Variants in AIFM2 observed in about 807,000 individuals in gnomAD.
AIFM2 encodes the protein ferroptosis suppressor protein 1.
In AIFM2, 38 loss-of-function variants were observed where a neutral mutation model predicts 35.7. The ratio of observed to expected loss-of-function variants is 1.06; its 90% CI spans 0.82 to 1.39. The LOEUF (loss-of-function observed/expected upper bound fraction) is 1.39. Among genes scored for constraint, AIFM2 ranks in the 40% most tolerant of loss-of-function variants. The pLI is 0.00. For synonymous variants in AIFM2, 185 were observed against 203.5 expected, an observed-to-expected ratio of 0.91 and a Z score of 0.77; for missense variants, 476 against 491.2, an observed-to-expected ratio of 0.97 and a Z score of 0.29.
intron 3 of AIFM2, among the ~76,000 whole-genome samples, chr10:70,122,325 C>G (rs1451456825): frequency 3.3e-5 from 5 of 152,138 alleles, no homozygotes; most frequent in African/African-American, 1.2e-4. Flanking sequence ...CCAGGGGACA[C>G]TCAGTAATCT....
chr10:70,129,125 A>G (rs1275671166), intron 1 of AIFM2, among the ~76,000 whole-genome samples: 1 of 121,118 alleles, frequency 8.3e-6, no homozygotes, highest in Non-Finnish European at 1.8e-5. Context: ...TGAGCTGGCT[A>G]ATTTTTTTTT....
chr10:70,127,149 CGT>C (rs1564554825), intron 1 of AIFM2, among the ~76,000 whole-genome samples: 1 of 152,206 alleles, frequency 6.6e-6, no homozygotes, highest in Non-Finnish European at 1.5e-5. Flanking sequence ...CCGTGGGTGG[CGT>C]GTGTTTCACC....
rs35599207 is a variant in AIFM2 at position 70,121,223 on chromosome 10, CAAAAAAAA to C, written c.295-20_295-13del. On this transcript the variant is annotated splice_polypyrimidine_tract_variant and intron_variant, in intron 3 of 8. Coordinates refer to ENST00000307864, the MANE Select transcript of AIFM2 (RefSeq NM_032797.6). ...GAGAAGGGCAGGGCCTGAGAGAAAC[CAAAAAAAA>C]AAAAAAAAAAAAAAAAAAAAAGATG... The C allele has an allele frequency of 2.7e-4, 182 of 664,672 alleles. No individual in the cohort carries two copies. The highest frequency in any genetic ancestry group is 1.9e-3 in the East Asian group (16 of 8,310). 41.2% of individuals were successfully genotyped at this position (664,672 alleles called of 1,614,324 possible).
At position 70,131,400 on chromosome 10, in the gene AIFM2, T is replaced by A. The variant is rs1361546838; in HGVS notation, c.-14+1334A>T. 6.6e-6 allele frequency among the ~76,000 whole-genome samples: 1 copy of A among 152,140 alleles called. No individual in the cohort carries two copies. Among genetic ancestry groups the A allele is most frequent in the African/African-American group, 2.4e-5 (1 of 41,434 alleles). Reference sequence around the variant, plus strand: ...CGGCCTCCCTTCCTGGGACACTCCATGGCCAGCCCCTCAGGGACTACTTGA... The same window carrying A: ...CGGCCTCCCTTCCTGGGACACTCCAAGGCCAGCCCCTCAGGGACTACTTGA... On this transcript the variant is annotated intron_variant, in intron 1 of 8. Coordinates refer to ENST00000307864, the MANE Select transcript of AIFM2 (RefSeq NM_032797.6). This position sits in a 1 kb window ranked among gnomAD's most constrained non-coding sequence, Gnocchi z 4.1.
chr10:70,132,418 C>T (rs944989142), intron 1 of AIFM2, among the ~76,000 whole-genome samples: 2 of 152,268 alleles, frequency 1.3e-5, no homozygotes, highest in Admixed American at 6.5e-5. Flanking sequence ...TCCCTCTTCC[C>T]CGGTTCGCCC....
At position 70,118,684 on chromosome 10, in the gene AIFM2, A is replaced by C. The variant is rs112653921; in HGVS notation, c.508-764T>G. ...CCCTGTGAAATAAGAAGAAAAGTAT[A>C]TATTGGTCTCTGCCCCCAGTTCCTG... On this transcript the variant is annotated intron_variant, in intron 5 of 8. Transcript: ENST00000307864. Among the ~76,000 whole-genome samples the C allele has an allele frequency of 9.9e-3, 1,504 of 152,324 alleles. 33 individuals carry two copies. The highest frequency in any genetic ancestry group is 0.033 in the African/African-American group (1,364 of 41,562).
intron 1 of AIFM2, among the ~76,000 whole-genome samples, chr10:70,128,719 G>C (rs1380928912): frequency 4.6e-5 from 7 of 152,116 alleles, no homozygotes; most frequent in Non-Finnish European, 7.4e-5. Flanking sequence ...GCAAGGGCTG[G>C]GTGTGGTGGC....
intron 7 of AIFM2, 92 bp downstream of exon 7, chr10:70,116,530 G>A: frequency 1.3e-6 from 2 of 1,495,550 alleles, no homozygotes; most frequent in Non-Finnish European, 1.8e-6. Context: ...AGGCAGCAAG[G>A]TGTGGACTCC....
chr10:70,121,060 A>G, intron 4 of AIFM2, 32 bp downstream of exon 4: 2 of 1,603,196 alleles, frequency 1.2e-6, no homozygotes, highest in African/African-American at 1.3e-5. Context: ...CCATCTGCCC[A>G]CACTGCCCCA....
chr10:70,123,636 G>T (rs548832891), intron 2 of AIFM2, 116 bp from the exon 3 acceptor site: 4 of 966,988 alleles, frequency 4.1e-6, no homozygotes, highest in Non-Finnish European at 6.3e-6. Flanking sequence ...TGACCAAAGC[G>T]TCGGGCCATT....
chr10:70,122,188 C>T (rs2072516919), intron 3 of AIFM2, among the ~76,000 whole-genome samples: 1 of 152,096 alleles, frequency 6.6e-6, no homozygotes, highest in African/African-American at 2.4e-5. Flanking sequence ...TTGACAAAAA[C>T]AGAGCTGCTC....
At position 70,120,578 on chromosome 10, in the gene AIFM2, C is replaced by T. The variant is rs376397847; in HGVS notation, c.436G>A (p.Val146Met). Residue 146 changes from valine to methionine, a missense_variant, in exon 5 of 9, where the codon GTG (valine) becomes ATG (methionine). Coordinates refer to ENST00000307864, the MANE Select transcript of AIFM2 (RefSeq NM_032797.6). The part of the protein sequence containing the change: ...VRQVQRSRFI[V>M]VVGGGSAGVE... ...CCAGCCGAGCCTCCTCCCACCACCA[C>T]GATGAACCGTGAGCGCTGGACCTGG... 36 of 1,614,022 alleles carry T rather than the reference C, an allele frequency of 2.2e-5. No individual in the cohort carries two copies. Among genetic ancestry groups the T allele is most frequent in the Admixed American group, 8.3e-5 (5 of 60,006 alleles).
In AIFM2 at chr10:70,124,032, C is replaced by T; in HGVS notation, c.53G>A (p.Gly18Asp). ...TGCTGCGATCCCGCCAAAGCCCCCA[C>T]CCACAATCACCACGTGCAGAGCTCC... The part of the protein sequence containing the change: ...ESGALHVVIV[G>D]GGFGGIAAAS... Residue 18 changes from glycine to aspartate, a missense_variant, in exon 2 of 9, where the codon GGT (glycine) becomes GAT (aspartate). Physicochemically the swap from Gly to Asp is moderately conservative, Grantham distance 94 (BLOSUM62 -1). Coordinates refer to ENST00000307864, the MANE Select transcript of AIFM2 (RefSeq NM_032797.6). 1 of 1,611,256 alleles carries T rather than the reference C, an allele frequency of 6.2e-7. No homozygotes were observed. Among genetic ancestry groups the T allele is most frequent in the South Asian group, 1.1e-5 (1 of 90,470 alleles).
At chr10:70,122,921 G>T (rs1246561596) in intron 3 of AIFM2, among the ~76,000 whole-genome samples, 1 of 152,206 alleles carries the variant, frequency 6.6e-6, no homozygotes, top group Admixed American at 6.5e-5. Context: ...AGAAATATCT[G>T]CCACCATATT....
chr10:70,115,252 C>A, intron 7 of AIFM2, 132 bp from the exon 8 acceptor site: 1 of 920,454 alleles, frequency 1.1e-6, no homozygotes, highest in African/African-American at 1.6e-5. Context: ...GGCATGACCA[C>A]CCCCTGGAGG....
At chr10:70,118,931 G>A (rs757953369) in intron 5 of AIFM2, among the ~76,000 whole-genome samples, 5 of 152,152 alleles carry the variant, frequency 3.3e-5, no homozygotes, top group Non-Finnish European at 7.4e-5. Context: ...CTGGATGATC[G>A]CTGGTCACCA....
intron 3 of AIFM2, 126 bp downstream of exon 3, chr10:70,123,279 A>G: frequency 4.0e-6 from 3 of 753,714 alleles, no homozygotes; most frequent in Non-Finnish European, 6.3e-6. Flanking sequence ...TTGGCCTCCC[A>G]CAGTGCTGAG....
chr10:70,115,531 C>T (rs2072426422), intron 7 of AIFM2, among the ~76,000 whole-genome samples: 1 of 152,210 alleles, frequency 6.6e-6, no homozygotes, highest in South Asian at 2.1e-4. Context: ...CTTTGGGAGG[C>T]CGAGGCGGCC....
intron 1 of AIFM2, among the ~76,000 whole-genome samples, chr10:70,129,492 T>C (rs1404994183): frequency 6.6e-6 from 1 of 152,114 alleles, no homozygotes; most frequent in Admixed American, 6.6e-5. Flanking sequence ...TATACACATA[T>C]ACAGGTAATG....
Sources: allele counts gnomAD v4.1 joint callset (sites outside exome capture counted in the v4.1 genomes callset), GRCh38; gene constraint gnomAD v4.1.1; non-coding constraint Gnocchi (gnomAD v3.1); transcripts MANE v1.5; gene names NCBI Gene and HGNC (gene_info 2026-07-23, HGNC 2026-07-21).